The following ERBIN variants were observed in gnomAD, a reference collection of about 807,000 sequenced individuals.
ERBIN encodes densin-180-like protein.
A neutral mutation model predicts 158.4 loss-of-function variants in ERBIN; 60 were observed. The observed-to-expected ratio is 0.38, with a 90% CI of 0.31 to 0.47. The LOEUF (loss-of-function observed/expected upper bound fraction) is 0.47, where lower values mean the gene tolerates loss of function less well. Among genes scored for constraint, ERBIN ranks in the 20% least tolerant of loss-of-function variants. The pLI is 0.99. For missense variants in ERBIN, 1,610 were observed against 1,648.0 expected, an observed-to-expected ratio of 0.98 and a Z score of 0.40; for synonymous variants, 594 against 557.2, an observed-to-expected ratio of 1.07 and a Z score of -0.93.
intron 1 of ERBIN, among the ~76,000 whole-genome samples, chr5:65,932,002 G>A (rs1020542836): frequency 9.2e-5 from 14 of 151,726 alleles, no homozygotes; most frequent in African/African-American, 3.4e-4. Context: ...ATTTTTTGTA[G>A]AGACAGGGTT....
chr5:66,008,884 G>A (rs756274296), intron 4 of ERBIN, among the ~76,000 whole-genome samples: 1 of 152,056 alleles, frequency 6.6e-6, no homozygotes, highest in Non-Finnish European at 1.5e-5. Flanking sequence ...TTCAAGGTCG[G>A]ATCATTACTT....
chr5:66,032,775 G>C (rs1216667493), intron 14 of ERBIN, among the ~76,000 whole-genome samples: 3 of 152,132 alleles, frequency 2.0e-5, no homozygotes, highest in Non-Finnish European at 2.9e-5. Flanking sequence ...TGGGGGAAGA[G>C]CAGGTATTTT....
At chr5:66,034,328 C>T (rs949414078) in intron 14 of ERBIN, among the ~76,000 whole-genome samples, 9 of 151,538 alleles carry the variant, frequency 5.9e-5, no homozygotes, top group Non-Finnish European at 7.4e-5. Context: ...CTCACTCTGT[C>T]GCCCAGGCTG....
At chr5:66,055,106 C>T (rs1291310901) in intron 21 of ERBIN, 155 bp downstream of exon 21, 9 of 1,404,044 alleles carry the variant, frequency 6.4e-6, no homozygotes, top group Non-Finnish European at 8.3e-6. Context: ...TAAACTCAGC[C>T]AGGACAATTG....
At position 66,054,176 on chromosome 5, in the gene ERBIN, A is replaced by C; in HGVS notation, c.2858A>C (p.Glu953Ala). 1 of 1,614,156 alleles carries C rather than the reference A, an allele frequency of 6.2e-7. No homozygotes were observed. Among genetic ancestry groups the C allele is most frequent in the Non-Finnish European group, 8.5e-7 (1 of 1,180,038 alleles). Residue 953 changes from glutamate (E) to alanine (A), a missense_variant, in exon 21 of 26, where the codon GAA becomes GCA. By Grantham distance (107) the Glu-to-Ala change is moderately radical. Around this residue, in one of 2 missense-constraint regions of ERBIN, gnomAD observed 1,014 missense variants for 936.1 expected, o/e 1.08. Coordinates refer to ENST00000284037, the MANE Select transcript of ERBIN (RefSeq NM_001253697.2). The part of the protein sequence containing the change: ...IFKFDSNHNP[E>A]EPNIIRGPTS... ...AAGTTTGATTCAAATCATAATCCCG[A>C]AGAGCCAAATATAATAAGAGGCCCC...
chr5:66,025,739 T>C (rs1207011068), intron 11 of ERBIN, 109 bp from the exon 12 acceptor site: 1 of 932,980 alleles, frequency 1.1e-6, no homozygotes, highest in Non-Finnish European at 1.6e-6. Flanking sequence ...TGTGAAATGG[T>C]TTCACTAGGT....
In ERBIN at chr5:66,053,616, T is replaced by C; in HGVS notation, c.2298T>C (p.Asn766=). 6.2e-7 allele frequency: 1 copy of C among 1,610,938 alleles called. No homozygotes were observed. The highest frequency in any genetic ancestry group is 8.5e-7 in the Non-Finnish European group (1 of 1,179,054). ...ACAAATTAGATCATATCAATATGAA[T>C]CTTAATAAACTTATAACTAATGATA... ...DTHKLDHINM[N]LNKLITNDTF... is the part of the protein sequence containing the mutation. Residue 766 remains asparagine (N), a synonymous_variant, in exon 21 of 26, where the codon AAT becomes AAC. Transcript: ENST00000284037.
intron 4 of ERBIN, among the ~76,000 whole-genome samples, chr5:65,995,380 T>A (rs1270941180): frequency 9.9e-5 from 15 of 152,110 alleles, no homozygotes; most frequent in African/African-American, 2.7e-4. Context: ...GGTATTTTTT[T>A]TTTTTTTTTC....
At chr5:65,983,304 G>A (rs1324599720) in intron 1 of ERBIN, among the ~76,000 whole-genome samples, 1 of 151,946 alleles carries the variant, frequency 6.6e-6, no homozygotes, top group Non-Finnish European at 1.5e-5. Flanking sequence ...CTTATTTCTT[G>A]TATATGTTGT....
intron 1 of ERBIN, among the ~76,000 whole-genome samples, chr5:65,967,531 C>T (rs1580190636): frequency 6.6e-6 from 1 of 152,120 alleles, no homozygotes; most frequent in African/African-American, 2.4e-5. Flanking sequence ...TGTTCTTAGT[C>T]TAGTGGCAGT....
At position 66,021,353 on chromosome 5, in the gene ERBIN, C is replaced by T. The variant is rs706679; in HGVS notation, c.565C>T (p.Leu189=). The stretch of plus-strand genomic sequence containing the variant: ...GAATAGACTGACCCAGCTGGAAAGA[C>T]TGGATTTGGGAAGTAACGAATTCAC... ...TMNRLTQLER[L]DLGSNEFTEV... Residue 189 remains leucine (L), a synonymous_variant, in exon 8 of 26, where the codon CTG becomes TTG. Coordinates refer to ENST00000284037, the MANE Select transcript of ERBIN (RefSeq NM_001253697.2). 0.83 allele frequency: 1,321,150 copies of T among 1,599,706 alleles called. 555,088 individuals are homozygous for T. The highest frequency in any genetic ancestry group is 0.87 in the Non-Finnish European group (1,016,840 of 1,170,540).
At chr5:66,056,282 T>G (rs976549692) in intron 21 of ERBIN, among the ~76,000 whole-genome samples, 1 of 152,180 alleles carries the variant, frequency 6.6e-6, no homozygotes, top group Non-Finnish European at 1.5e-5. Context: ...GATTGAATAT[T>G]CCTGTAATCA....
chr5:66,053,677 C>T lies in ERBIN; in HGVS notation c.2359C>T (p.Gln787Ter). 6.2e-7 allele frequency: 1 copy of T among 1,613,804 alleles called. No homozygotes were observed. The highest frequency in any genetic ancestry group is 8.5e-7 in the Non-Finnish European group (1 of 1,179,946). ...AGAGATCATGGAAAGATCAAAAACA[C>T]AGGATATTGTGCTTGGAACAAGCTT... ...QPEIMERSKT[Q>*]DIVLGTSFLS... The change falls in exon 21 of 26, where the codon CAG becomes TAG. Residue 787 changes from glutamine (Q) to a stop codon, truncating the protein, a stop_gained. Transcript: ENST00000284037. LOFTEE classifies it high-confidence loss of function.
chr5:65,994,116 A>AC (rs1027281875), intron 3 of ERBIN, among the ~76,000 whole-genome samples: 1 of 152,206 alleles, frequency 6.6e-6, no homozygotes, highest in African/African-American at 2.4e-5. Flanking sequence ...GATAAAAGTT[A>AC]AAGGTTGTTG....
chr5:65,972,779 T>C (rs527442590), intron 1 of ERBIN, among the ~76,000 whole-genome samples: 2 of 151,492 alleles, frequency 1.3e-5, no homozygotes, highest in East Asian at 1.9e-4. Context: ...GCTTTACTTA[T>C]AAGCGGTAAT....
rs559811555 is a variant in ERBIN at position 66,081,193 on chromosome 5, A to G, written c.*2663A>G. ...TTACTCTAACCAGTAAAAAAATAAT[A>G]CTGATCAGAGTAATTTATACGGCAT... On this transcript the variant is annotated 3_prime_UTR_variant, in exon 26 of 26. Coordinates refer to ENST00000284037, the MANE Select transcript of ERBIN (RefSeq NM_001253697.2). The G allele has an allele frequency of 1.2e-4, 18 of 152,092 alleles. No individual in the cohort carries two copies. In the East Asian group the frequency reaches 2.5e-3, roughly 21 times the overall value. The allele number at this position is 152,092 out of a possible 1,614,324, so 9.4% of individuals were successfully genotyped here. A position where few individuals can be genotyped will look rare whatever the true frequency, so the allele number is the denominator to read the frequency against.
chr5:65,948,979 G>A (rs975369068), intron 1 of ERBIN, among the ~76,000 whole-genome samples: 10 of 152,032 alleles, frequency 6.6e-5, no homozygotes, highest in African/African-American at 2.4e-4. Context: ...GGCCAGGCTG[G>A]TCTCAAACTC....
At chr5:65,932,069 C>T (rs373276509) in intron 1 of ERBIN, among the ~76,000 whole-genome samples, 1 of 152,014 alleles carries the variant, frequency 6.6e-6, no homozygotes, top group Non-Finnish European at 1.5e-5. Flanking sequence ...CTGCCCGCCT[C>T]GGCCTCCCAA....
At chr5:65,992,101 C>T (rs1223791129) in intron 2 of ERBIN, among the ~76,000 whole-genome samples, 4 of 152,114 alleles carry the variant, frequency 2.6e-5, no homozygotes, top group East Asian at 1.9e-4. Flanking sequence ...TAAAAATCTT[C>T]GTCTTATTAG....
Sources: allele counts gnomAD v4.1 joint callset (sites outside exome capture counted in the v4.1 genomes callset), GRCh38; gene constraint gnomAD v4.1.1; regional missense constraint gnomAD v4.1.1; transcripts MANE v1.5; gene names NCBI Gene and HGNC (gene_info 2026-07-23, HGNC 2026-07-21).